Variants in ORC4 observed in about 807,000 individuals in gnomAD.
The protein encoded by ORC4 is origin recognition complex, subunit 4 homolog.
ORC4 carries 55 observed loss-of-function variants against 63.9 expected under a neutral mutation model. The ratio of observed to expected loss-of-function variants is 0.86; its 90% CI spans 0.69 to 1.08. The LOEUF (loss-of-function observed/expected upper bound fraction) is 1.08. ORC4 is among the 50% of genes least tolerant of loss of function. ORC4 has a pLI of 0.00. For missense variants in ORC4, 511 were observed against 504.4 expected, an observed-to-expected ratio of 1.01 and a Z score of -0.13; for synonymous variants, 150 against 168.5, an observed-to-expected ratio of 0.89 and a Z score of 0.85.
chr2:147,956,490 A>G (rs1338220703), intron 6 of ORC4, among the ~76,000 whole-genome samples: 1 of 152,102 alleles, frequency 6.6e-6, no homozygotes, highest in Non-Finnish European at 1.5e-5. Context: ...GTCTGTTTAT[A>G]TCAAACCAGA....
chr2:147,947,331 G>GT (rs1303197996), intron 9 of ORC4, among the ~76,000 whole-genome samples: 5 of 151,978 alleles, frequency 3.3e-5, no homozygotes, highest in Admixed American at 2.6e-4. Context: ...CATTAATGAT[G>GT]TTTTTCAATT....
At chr2:147,953,151 A>T (rs1689056630) in intron 7 of ORC4, among the ~76,000 whole-genome samples, 1 of 149,374 alleles carries the variant, frequency 6.7e-6, no homozygotes, top group Non-Finnish European at 1.5e-5. Context: ...CCAACATGGT[A>T]AAACCCCATC....
In ORC4 at chr2:147,962,435, G is replaced by A. The variant is rs1034439740; in HGVS notation, c.226-3569C>T. Among the ~76,000 whole-genome samples, 5 of 152,232 alleles carry A rather than the reference G, an allele frequency of 3.3e-5. No homozygotes were observed. In the South Asian group the frequency reaches 6.2e-4, roughly 19 times the overall value. On this transcript the variant is annotated intron_variant, in intron 4 of 13. Coordinates refer to ENST00000392857, the MANE Select transcript of ORC4 (RefSeq NM_181741.4). ...CAGAGCCACCTCTGTTGTGCGCCCC[G>A]CTCTGTGGGCCAGTAGTCACTGCAC...
chr2:147,988,039 C>T (rs185104353), intron 1 of ORC4, among the ~76,000 whole-genome samples: 108 of 142,238 alleles, frequency 7.6e-4, no homozygotes, highest in African/African-American at 2.7e-3. Flanking sequence ...GGCAACAGAG[C>T]GAGACTCTGT....
rs1374524979 is a variant in ORC4, at chr2:147,931,677, A to C, written c.*3833T>G. On this transcript the variant is annotated 3_prime_UTR_variant, in exon 14 of 14. Transcript: ENST00000392857. ...ATACGCAAATCAATGAATGTAATCC[A>C]GCATATAAACAGAGCCAAAGACAAA... 6.6e-6 allele frequency: 1 copy of C among 152,184 alleles called. No homozygotes were observed. The highest frequency in any genetic ancestry group is 1.5e-5 in the Non-Finnish European group (1 of 68,046). 9.4% of individuals were successfully genotyped at this position (152,184 alleles called of 1,614,324 possible).
In ORC4 at chr2:147,993,996, T is replaced by G. The variant is rs540319777; in HGVS notation, c.-17-18021A>C. Among the ~76,000 whole-genome samples, 5 of 152,276 alleles carry G rather than the reference T, an allele frequency of 3.3e-5. No individual in the cohort carries two copies. In the East Asian group the frequency reaches 9.6e-4, roughly 29 times the overall value. ...AACAAAATCACTGGAACTAATAAAC[T>G]ACTGTAGAAAGGTTGCAGGATACAA... On this transcript the variant is annotated intron_variant, in intron 1 of 13. Coordinates refer to ENST00000392857, the MANE Select transcript of ORC4 (RefSeq NM_181741.4).
chr2:147,942,952 T>C (rs1210353874), intron 10 of ORC4, among the ~76,000 whole-genome samples: 1 of 152,148 alleles, frequency 6.6e-6, no homozygotes, highest in Non-Finnish European at 1.5e-5. Context: ...ACATATTCTA[T>C]ATGTAATGAA....
At chr2:148,014,592 A>G (rs968818333) in intron 1 of ORC4, among the ~76,000 whole-genome samples, 9 of 152,230 alleles carry the variant, frequency 5.9e-5, no homozygotes, top group African/African-American at 2.2e-4. Flanking sequence ...ATTATCTTCA[A>G]CAAACAACAA....
At chr2:147,940,931 C>T (rs1688332482) in intron 10 of ORC4, among the ~76,000 whole-genome samples, 1 of 152,032 alleles carries the variant, frequency 6.6e-6, no homozygotes, top group Non-Finnish European at 1.5e-5. Flanking sequence ...CCCATCTCCT[C>T]CGGATTGGAC....
At chr2:147,986,370 T>TA (rs1301593246) in intron 1 of ORC4, among the ~76,000 whole-genome samples, 2 of 152,156 alleles carry the variant, frequency 1.3e-5, no homozygotes, top group East Asian at 3.9e-4. Flanking sequence ...ACCTCACTCT[T>TA]AAAAGCTATA....
At position 147,948,068 on chromosome 2, in the gene ORC4, A is replaced by C; in HGVS notation, c.745T>G (p.Trp249Gly). The change falls in exon 9 of 14, where the codon TGG becomes GGG. Residue 249 changes from tryptophan (W) to glycine (G), a missense_variant. Physicochemically the swap from Trp to Gly is radical, Grantham distance 184. Coordinates refer to ENST00000392857, the MANE Select transcript of ORC4 (RefSeq NM_181741.4). ...TAAGATACCTGAACATTTTCATTCCACTTCTCAGCAAAAACCTTGTCTGGA... is the reference window on the plus strand; with the variant it reads ...TAAGATACCTGAACATTTTCATTCCCCTTCTCAGCAAAAACCTTGTCTGGA... Reference protein sequence around the residue: ...EFPDKVFAEKWNENVQYLSED... With the variant: ...EFPDKVFAEKGNENVQYLSED... 8 of 1,611,550 alleles carry C rather than the reference A, an allele frequency of 5.0e-6. No homozygotes were observed. Among genetic ancestry groups the C allele is most frequent in the Non-Finnish European group, 6.8e-6 (8 of 1,177,988 alleles).
At chr2:147,944,497 C>T (rs559115479) in intron 9 of ORC4, among the ~76,000 whole-genome samples, 1 of 152,036 alleles carries the variant, frequency 6.6e-6, no homozygotes, top group South Asian at 2.1e-4. Flanking sequence ...ATTCAAAGAT[C>T]ACCACAGCCC....
At chr2:147,937,225 A>G (rs1030705445) in intron 13 of ORC4, among the ~76,000 whole-genome samples, 5 of 152,246 alleles carry the variant, frequency 3.3e-5, no homozygotes, top group African/African-American at 7.2e-5. Context: ...AGGGATGCCA[A>G]TGGACTTGGG....
intron 1 of ORC4, among the ~76,000 whole-genome samples, chr2:147,983,759 A>G (rs1424265263): frequency 6.6e-6 from 1 of 152,248 alleles, no homozygotes; most frequent in Non-Finnish European, 1.5e-5. Flanking sequence ...CACAGGATTT[A>G]CTACAAAGCC....
rs550418588 is a variant in ORC4 at position 147,932,328 on chromosome 2, A to C, written c.*3182T>G. The C allele has an allele frequency of 6.6e-6, 1 of 152,172 alleles. No homozygotes were observed. The highest frequency in any genetic ancestry group is 1.5e-5 in the Non-Finnish European group (1 of 68,042). 9.4% of individuals were successfully genotyped at this position (152,172 alleles called of 1,614,324 possible). On this transcript the variant is annotated 3_prime_UTR_variant, in exon 14 of 14. Transcript: ENST00000392857. ...AGAGGATACAAACAAATGGAAGAAC[A>C]TTCCATGCTCTTGGGTAGGAAGAAT... is the stretch of plus-strand genomic sequence containing the variant.
chr2:147,979,015 G>A (rs1359302017), intron 1 of ORC4, among the ~76,000 whole-genome samples: 1 of 152,052 alleles, frequency 6.6e-6, no homozygotes, highest in Non-Finnish European at 1.5e-5. Flanking sequence ...CACCCCAAAG[G>A]TAAAAAGTTG....
chr2:147,993,870 A>G (rs1691776682), intron 1 of ORC4, among the ~76,000 whole-genome samples: 1 of 152,072 alleles, frequency 6.6e-6, no homozygotes, highest in Admixed American at 6.6e-5. Context: ...GCTCAAATAC[A>G]CTGTTTTATT....
At chr2:147,945,893 C>T (rs1688634620) in intron 9 of ORC4, among the ~76,000 whole-genome samples, 2 of 152,052 alleles carry the variant, frequency 1.3e-5, no homozygotes, top group South Asian at 4.1e-4. Context: ...TCAAGTGAAG[C>T]TCATTTTATT....
At chr2:148,008,507 C>G (rs1692756210) in intron 1 of ORC4, among the ~76,000 whole-genome samples, 1 of 152,156 alleles carries the variant, frequency 6.6e-6, no homozygotes, top group Non-Finnish European at 1.5e-5. Context: ...TCTTTGCCTT[C>G]TAGTTTTAAA....
Sources: gnomAD v4.1 joint callset for allele counts (sites outside exome capture counted in the v4.1 genomes callset) on GRCh38, gnomAD v4.1.1 for gene constraint, MANE v1.5 for transcripts, NCBI Gene and HGNC (gene_info 2026-07-23, HGNC 2026-07-21) for gene names.